Variants in INPP5K observed in about 807,000 individuals in gnomAD.
INPP5K encodes the protein inositol polyphosphate-5-phosphatase K.
A neutral mutation model predicts 53.5 loss-of-function variants in INPP5K; 35 were observed. The ratio of observed to expected loss-of-function variants is 0.65; its 90% confidence interval spans 0.50 to 0.87. INPP5K has a LOEUF of 0.87. Ranked by LOEUF, INPP5K falls within the 40% of genes least tolerant of loss-of-function variation. INPP5K has a pLI of 0.00. For synonymous variants in INPP5K, 253 were observed against 232.8 expected, an observed-to-expected ratio of 1.09 and a Z score of -0.79; for missense variants, 550 against 586.2, an observed-to-expected ratio of 0.94 and a Z score of 0.64.
intron 3 of INPP5K, among the ~76,000 whole-genome samples, chr17:1,511,693 G>A (rs532002210): frequency 4.6e-5 from 7 of 152,300 alleles, no homozygotes; most frequent in African/African-American, 1.7e-4. Flanking sequence ...CAACAGGGAT[G>A]GAGGACGGGC....
In INPP5K at chr17:1,506,962, C is replaced by G; in HGVS notation, c.776+18G>C. 1 of 1,571,976 alleles carries G rather than the reference C, an allele frequency of 6.4e-7. No homozygotes were observed. Among genetic ancestry groups the G allele is most frequent in the Non-Finnish European group, 8.8e-7 (1 of 1,142,288 alleles). On this transcript the variant is annotated intron_variant, in intron 7 of 11. Transcript: ENST00000421807. Reference sequence around the variant, plus strand: ...AACCTGACTTCCTAGACCTTCTGGCCCCCCACTCCCTCCTCACCTGGTGTC... The same window carrying G: ...AACCTGACTTCCTAGACCTTCTGGCGCCCCACTCCCTCCTCACCTGGTGTC...
intron 1 of INPP5K, 88 bp downstream of exon 1, chr17:1,516,368 G>T: frequency 2.2e-6 from 3 of 1,370,136 alleles, no homozygotes; most frequent in South Asian, 1.3e-5. Context: ...AGTCATGGAG[G>T]TCTGGTGCCT....
intron 7 of INPP5K, among the ~76,000 whole-genome samples, chr17:1,505,691 T>G (rs965424206): frequency 1.1e-4 from 17 of 152,216 alleles, no homozygotes; most frequent in Admixed American, 9.2e-4. Context: ...AGAACCAAGC[T>G]TGAGTTCTAC....
intron 8 of INPP5K, among the ~76,000 whole-genome samples, chr17:1,497,139 CATG>C (rs893909537): frequency 1.1e-4 from 16 of 152,348 alleles, no homozygotes; most frequent in Non-Finnish European, 2.4e-4. Context: ...CAAAGCCCCA[CATG>C]GGGGGATGCT....
chr17:1,513,339 G>T, intron 3 of INPP5K, 114 bp downstream of exon 3: 1 of 929,370 alleles, frequency 1.1e-6, no homozygotes, highest in Non-Finnish European at 1.7e-6. Flanking sequence ...TAAACAAATG[G>T]GAAACAGCAT....
chr17:1,511,383 C>G (rs568652806), intron 3 of INPP5K, among the ~76,000 whole-genome samples: 1 of 152,320 alleles, frequency 6.6e-6, no homozygotes, highest in African/African-American at 2.4e-5. Flanking sequence ...AGTAGCTCTC[C>G]CTCTCAGGTT....
chr17:1,515,786 C>G, intron 1 of INPP5K: 2 of 685,148 alleles, frequency 2.9e-6, no homozygotes, highest in Non-Finnish European at 3.6e-6. Context: ...GGCACTCGGC[C>G]TGAGATTTTG....
rs1059139 is a variant in INPP5K, at chr17:1,494,976, G to A, written c.*847C>T. 47,107 of 152,210 alleles carry A rather than the reference G, an allele frequency of 0.31. 7,596 individuals are homozygous for A. Among genetic ancestry groups the A allele is most frequent in the Middle Eastern group, 0.37 (110 of 296 alleles). 9.4% of individuals were successfully genotyped at this position (152,210 alleles called of 1,614,324 possible). A position where few individuals can be genotyped will look rare whatever the true frequency, so the allele number is the denominator to read the frequency against. On this transcript the variant is annotated 3_prime_UTR_variant, in exon 12 of 12. Transcript: ENST00000421807. Reference sequence around the variant, plus strand: ...GTCCAGGGGGGGCCCGTCGTCAATGGCTCCTGACAAGGGTGGCACAGACGC... The same window carrying A: ...GTCCAGGGGGGGCCCGTCGTCAATGACTCCTGACAAGGGTGGCACAGACGC...
At chr17:1,516,097 G>A in intron 1 of INPP5K, 1 of 1,176,838 alleles carries the variant, frequency 8.5e-7, no homozygotes, top group Admixed American at 5.0e-5. Flanking sequence ...CATGGGATCA[G>A]GCAGACCTCC....
Position 1,509,718 on chromosome 17 carries a change from T to G in INPP5K, c.343A>C (p.Thr115Pro), listed in dbSNP as rs375320761. 3.1e-6 allele frequency: 5 copies of G among 1,613,000 alleles called. No homozygotes were observed. The highest frequency in any genetic ancestry group is 4.2e-6 in the Non-Finnish European group (5 of 1,179,214). Residue 115 changes from threonine to proline, a missense_variant, in exon 4 of 12, where the codon ACT becomes CCT. Coordinates refer to ENST00000421807, the MANE Select transcript of INPP5K (RefSeq NM_016532.4). ...QHLPYIQILS[T>P]KSTPTGLFGY... ...AACAGGCCAGTGGGGGTGGATTTAG[T>G]AGACAGAATCTGGATATAGGGCAAA...
chr17:1,509,588 G>T, intron 4 of INPP5K, 95 bp downstream of exon 4: 1 of 971,126 alleles, frequency 1.0e-6, no homozygotes, highest in Non-Finnish European at 1.7e-6. Context: ...GCTGGACAGA[G>T]GACCAAGATT....
In INPP5K at chr17:1,509,794, G is replaced by C. The variant is rs138114780; in HGVS notation, c.267C>G (p.Ser89=). ...AGAGGATCCCCTGCATACGGACATG[G>C]GAGACCTGCAGGAGAGAGAGGGCAA... ...VLSPLSFIKV[S]HVRMQGILLL... The change falls in exon 4 of 12, where the codon TCC becomes TCG. Residue 89 remains serine (S), a synonymous_variant. Coordinates refer to ENST00000421807, the MANE Select transcript of INPP5K (RefSeq NM_016532.4). 3.8e-5 allele frequency: 61 copies of C among 1,604,016 alleles called. No individual in the cohort carries two copies. The highest frequency in any genetic ancestry group is 5.0e-5 in the Non-Finnish European group (59 of 1,171,694).
intron 7 of INPP5K, among the ~76,000 whole-genome samples, chr17:1,501,654 C>A (rs2075014176): frequency 6.6e-6 from 1 of 152,212 alleles, no homozygotes; most frequent in Non-Finnish European, 1.5e-5. Context: ...ATGTGGTATT[C>A]CCATCCCAGA....
At chr17:1,507,287 A>C in intron 6 of INPP5K, 198 bp from the exon 7 acceptor site, 1 of 566,056 alleles carries the variant, frequency 1.8e-6, no homozygotes, top group Non-Finnish European at 3.1e-6. Flanking sequence ...CGGAAACATT[A>C]CCAAGGCCCA....
chr17:1,506,861 G>A, intron 7 of INPP5K, 119 bp downstream of exon 7: 1 of 684,332 alleles, frequency 1.5e-6, no homozygotes, highest in Middle Eastern at 2.9e-4. Flanking sequence ...ACTCTGGAGA[G>A]GGGATGACTA....
At position 1,513,868 on chromosome 17, in the gene INPP5K, C is replaced by T. The variant is rs757684468; in HGVS notation, c.152+4G>A. The T allele has an allele frequency of 6.2e-7, 1 of 1,605,420 alleles. No individual in the cohort carries two copies. The highest frequency in any genetic ancestry group is 1.7e-5 in the Admixed American group (1 of 59,736). The stretch of plus-strand genomic sequence containing the variant: ...GATGGGCGAAGGAGCCTGCAGATAC[C>T]TACCCAATAACATATATGTCAAGAT... On this transcript the variant is annotated splice_donor_region_variant and intron_variant, in intron 2 of 11. Transcript: ENST00000421807.
chr17:1,516,612 T>G lies in INPP5K; in HGVS notation c.-113A>C. ...TCTCACGCGCCTAGCTGTCGCGGAC[T>G]GTTTTTCTTCCGGACTCCGACCGTC... On this transcript the variant is annotated 5_prime_UTR_variant, in exon 1 of 12. Transcript: ENST00000421807. The G allele has an allele frequency of 1.4e-6, 2 of 1,407,516 alleles. No individual in the cohort carries two copies. Among genetic ancestry groups the G allele is most frequent in the Non-Finnish European group, 9.2e-7 (1 of 1,089,374 alleles). The allele number at this position is 1,407,516 out of a possible 1,614,324, so 87.2% of individuals were successfully genotyped here. A position where few individuals can be genotyped will look rare whatever the true frequency, so the allele number is the denominator to read the frequency against.
intron 3 of INPP5K, among the ~76,000 whole-genome samples, chr17:1,511,742 G>A (rs1183771790): frequency 6.6e-6 from 1 of 152,166 alleles, no homozygotes; most frequent in African/African-American, 2.4e-5. Flanking sequence ...CAGGATTGAA[G>A]CAAGGGGACT....
chr17:1,509,778 C>G lies in INPP5K; in HGVS notation c.283G>C (p.Gly95Arg), dbSNP rs1224665912. The change falls in exon 4 of 12, where the codon GGG becomes CGG. Residue 95 changes from glycine (G) to arginine (R), a missense_variant. Physicochemically the swap from Gly to Arg is moderately radical, Grantham distance 125 (BLOSUM62 -2). Coordinates refer to ENST00000421807, the MANE Select transcript of INPP5K (RefSeq NM_016532.4). ...TTGGCAAAGACCAGTAAGAGGATCC[C>G]CTGCATACGGACATGGGAGACCTGC... Reference protein sequence around the residue: ...FIKVSHVRMQGILLLVFAKYQ... With the variant: ...FIKVSHVRMQRILLLVFAKYQ... 7 of 1,612,676 alleles carry G rather than the reference C, an allele frequency of 4.3e-6. No homozygotes were observed. Among genetic ancestry groups the G allele is most frequent in the Non-Finnish European group, 5.9e-6 (7 of 1,179,058 alleles).
Sources: gnomAD v4.1 joint callset for allele counts (sites outside exome capture counted in the v4.1 genomes callset) on GRCh38, gnomAD v4.1.1 for gene constraint, MANE v1.5 for transcripts, NCBI Gene and HGNC (gene_info 2026-07-23, HGNC 2026-07-21) for gene names.